GTF2I: variants seen among roughly 807,000 people sequenced by gnomAD.
GTF2I encodes the protein general transcription factor IIi, also known as general transcription factor II-I.
Under a neutral mutation model 67.6 loss-of-function variants are expected in GTF2I, and 12 were observed. That is an observed-to-expected ratio of 0.18 (90% CI 0.11 to 0.29). The LOEUF is 0.29. GTF2I is among the 10% of genes least tolerant of loss of function. The pLI is 1.00. For missense variants in GTF2I, 271 were observed against 580.1 expected, an observed-to-expected ratio of 0.47 and a Z score of 5.47; for synonymous variants, 149 against 197.0, an observed-to-expected ratio of 0.76 and a Z score of 2.04.
chr7:74,750,353 G>A lies in GTF2I; in HGVS notation c.2420+902G>A, dbSNP rs1486240848. Among the ~76,000 whole-genome samples the A allele has an allele frequency of 4.8e-5, 5 of 103,552 alleles. No individual in the cohort carries two copies. In the Admixed American group the frequency reaches 5.9e-4, roughly 12 times the overall value. 67.9% of individuals were successfully genotyped at this position (103,552 alleles called of 152,430 possible). On this transcript the variant is annotated intron_variant, in intron 26 of 34. Transcript: ENST00000573035. ...CAGCTACTCAGGGAGGCTGAGACAG[G>A]AGAATCACTTGAACCCAGGAGGCGG... is the stretch of plus-strand genomic sequence containing the variant.
chr7:74,688,154 C>T (rs1034224485), intron 1 of GTF2I, among the ~76,000 whole-genome samples: 2 of 152,188 alleles, frequency 1.3e-5, no homozygotes, highest in Admixed American at 1.3e-4. Flanking sequence ...TCTCGGCTCA[C>T]TGCAACCTCC....
At chr7:74,730,995 C>G (rs1264541710) in intron 14 of GTF2I, among the ~76,000 whole-genome samples, 3 of 140,124 alleles carry the variant, frequency 2.1e-5, no homozygotes, top group Non-Finnish European at 4.6e-5. Context: ...GCGTGAGCCA[C>G]CCTTCCCGGC....
chr7:74,725,673 C>G (rs1177954723), intron 12 of GTF2I, among the ~76,000 whole-genome samples: 1 of 152,044 alleles, frequency 6.6e-6, no homozygotes, highest in Non-Finnish European at 1.5e-5. Context: ...GAGGGAGACC[C>G]TGTCTTAAAA....
intron 1 of GTF2I, among the ~76,000 whole-genome samples, chr7:74,658,897 C>G (rs1446536404): frequency 1.3e-5 from 2 of 152,176 alleles, no homozygotes; most frequent in Non-Finnish European, 2.9e-5. Flanking sequence ...AAAAAGCTGT[C>G]TCCTTCCCGC....
rs782392915 is a variant in GTF2I at position 74,714,876 on chromosome 7, T to C, written c.783T>C (p.Asp261=). ...CCAAAGCAGGCCCTTCTGAAACTGA[T>C]GATGTTGATGAAAAACAGCCCCTAT... The part of the protein sequence containing the change: ...YNIQAGPSET[D]DVDEKQPLSK... The change falls in exon 10 of 35, where the codon GAT becomes GAC. Residue 261 remains aspartate, a synonymous_variant. Transcript: ENST00000573035. 6.2e-7 allele frequency: 1 copy of C among 1,607,972 alleles called. No individual in the cohort carries two copies. The highest frequency in any genetic ancestry group is 2.2e-5 in the East Asian group (1 of 44,672).
intron 12 of GTF2I, among the ~76,000 whole-genome samples, chr7:74,723,874 AC>A (rs1200098924): frequency 1.3e-5 from 2 of 150,928 alleles, no homozygotes; most frequent in African/African-American, 4.9e-5. Context: ...AAAAGAGAAG[AC>A]CTAGAGCAGT....
intron 1 of GTF2I, chr7:74,687,570 C>T (rs1337538112): frequency 2.0e-6 from 2 of 983,732 alleles, no homozygotes; most frequent in African/African-American, 1.7e-5. Flanking sequence ...ATGTATGCTT[C>T]GTTACTTGTT....
chr7:74,691,212 T>C (rs587659112), intron 3 of GTF2I, 101 bp downstream of exon 3: 36 of 892,562 alleles, frequency 4.0e-5, no homozygotes, highest in East Asian at 4.0e-4. Flanking sequence ...TTCTTTCTTT[T>C]TTTTTTTTTT....
intron 1 of GTF2I, among the ~76,000 whole-genome samples, chr7:74,679,822 T>C (rs931936308): frequency 6.6e-6 from 1 of 152,082 alleles, no homozygotes; most frequent in Non-Finnish European, 1.5e-5. Flanking sequence ...GGCTCTCGCC[T>C]GTAATCCCAG....
At chr7:74,698,930 T>G in intron 3 of GTF2I, 31 bp from the exon 4 acceptor site, 1 of 1,134,424 alleles carries the variant, frequency 8.8e-7, no homozygotes, top group Non-Finnish European at 1.2e-6. Flanking sequence ...TTATTATTAT[T>G]TTTTTATTTT....
In GTF2I at chr7:74,689,012, A is replaced by G. The variant is rs1041391302; in HGVS notation, c.-5-112A>G. On this transcript the variant is annotated intron_variant, in intron 1 of 34. Transcript: ENST00000573035. ...AGTTTCTGAGCCTTATTTTGTCTCTAGAGCAAGAAAACTGTAAATTAGGCA... is the reference window on the plus strand; with the variant it reads ...AGTTTCTGAGCCTTATTTTGTCTCTGGAGCAAGAAAACTGTAAATTAGGCA... The G allele has an allele frequency of 7.3e-6, 5 of 683,930 alleles. No homozygotes were observed. In the East Asian group the frequency reaches 1.3e-4, roughly 17 times the overall value. The allele number at this position is 683,930 out of a possible 1,614,324, so 42.4% of individuals were successfully genotyped here.
chr7:74,682,229 G>A (rs1787335354), intron 1 of GTF2I, among the ~76,000 whole-genome samples: 1 of 152,172 alleles, frequency 6.6e-6, no homozygotes, highest in Non-Finnish European at 1.5e-5. Flanking sequence ...TTGTTCTTGA[G>A]AATAAAGGAT....
In GTF2I at chr7:74,700,097, G is replaced by A. The variant is rs1789528010; in HGVS notation, c.374-150G>A. 7.8e-6 allele frequency: 6 copies of A among 767,518 alleles called. No individual in the cohort carries two copies. In the East Asian group the frequency reaches 1.6e-4, roughly 21 times the overall value. The allele number at this position is 767,518 out of a possible 1,614,324, so 47.5% of individuals were successfully genotyped here. A position where few individuals can be genotyped will look rare whatever the true frequency, so the allele number is the denominator to read the frequency against. Reference sequence around the variant, plus strand: ...CAGGTTTAGACCTTCTGCTGACATGGGGAGATAGAATGCTGTAGTATTAAT... The same window carrying A: ...CAGGTTTAGACCTTCTGCTGACATGAGGAGATAGAATGCTGTAGTATTAAT... On this transcript the variant is annotated intron_variant, in intron 4 of 34. Coordinates refer to ENST00000573035, the MANE Select transcript of GTF2I (RefSeq NM_032999.4).
chr7:74,686,772 C>T (rs899117587), intron 1 of GTF2I, among the ~76,000 whole-genome samples: 4 of 152,154 alleles, frequency 2.6e-5, no homozygotes, highest in African/African-American at 9.6e-5. Flanking sequence ...CTATAATTTA[C>T]CTATTCACTT....
chr7:74,746,948 A>C (rs1383773657), intron 23 of GTF2I, among the ~76,000 whole-genome samples: 1 of 140,460 alleles, frequency 7.1e-6, no homozygotes, highest in African/African-American at 2.7e-5. Context: ...TCCACCACCA[A>C]CTCCAGCTAA....
chr7:74,713,303 C>T (rs1203832120), intron 9 of GTF2I, among the ~76,000 whole-genome samples: 3 of 152,124 alleles, frequency 2.0e-5, no homozygotes, highest in Non-Finnish European at 4.4e-5. Flanking sequence ...ATGTGCCTAA[C>T]TATGTATCCT....
At chr7:74,699,435 G>A (rs936160399) in intron 4 of GTF2I, 1 of 155,196 alleles carries the variant, frequency 6.4e-6, no homozygotes. Flanking sequence ...TAGGATTACA[G>A]GTGTCCGCCA....
intron 8 of GTF2I, among the ~76,000 whole-genome samples, chr7:74,710,362 G>A (rs1219764106): frequency 5.3e-5 from 8 of 152,018 alleles, no homozygotes; most frequent in Non-Finnish European, 8.8e-5. Context: ...GTCTCGCCGT[G>A]TCACCCAGGC....
intron 15 of GTF2I, among the ~76,000 whole-genome samples, chr7:74,733,112 G>A (rs1356383515): frequency 1.0e-4 from 12 of 119,696 alleles, no homozygotes; most frequent in Non-Finnish European, 1.7e-4. Flanking sequence ...GATTACAGGC[G>A]TGCGCCACCA....
Sources: allele counts gnomAD v4.1 joint callset (sites outside exome capture counted in the v4.1 genomes callset), GRCh38; gene constraint gnomAD v4.1.1; transcripts MANE v1.5; gene names NCBI Gene and HGNC (gene_info 2026-07-23, HGNC 2026-07-21).